The following PELI2 variants were observed in gnomAD, a reference collection of about 807,000 sequenced individuals.
PELI2 encodes the protein pellino E3 ubiquitin protein ligase family member 2.
Under a neutral mutation model 42.3 loss-of-function variants are expected in PELI2, and 23 were observed. The observed-to-expected ratio is 0.54, with a 90% CI of 0.39 to 0.77. The LOEUF (loss-of-function observed/expected upper bound fraction) is 0.77. Ranked by LOEUF, PELI2 falls within the 30% of genes least tolerant of loss-of-function variation. The probability of loss-of-function intolerance (pLI) is 0.00; values close to 1 mark genes in which losing one functional copy is unlikely to be tolerated. For missense variants in PELI2, 463 were observed against 553.2 expected (o/e 0.84, Z 1.64); for synonymous variants, 245 against 212.2 (o/e 1.15, Z -1.34).
chr14:56,253,530 A>G (rs1388763911), intron 2 of PELI2, among the ~76,000 whole-genome samples: 1 of 152,234 alleles, frequency 6.6e-6, no homozygotes, highest in Non-Finnish European at 1.5e-5. Flanking sequence ...ATGTGCAAAA[A>G]TCAGAAGCAT....
At chr14:56,155,145 A>G (rs1884504486) in intron 1 of PELI2, among the ~76,000 whole-genome samples, 1 of 152,050 alleles carries the variant, frequency 6.6e-6, no homozygotes, top group Non-Finnish European at 1.5e-5. Context: ...TGTTATTGCC[A>G]GTATTTTTTC....
chr14:56,184,594 T>C (rs1490692134), intron 2 of PELI2, among the ~76,000 whole-genome samples: 3 of 151,950 alleles, frequency 2.0e-5, no homozygotes, highest in African/African-American at 7.2e-5. Context: ...AACAGAACAA[T>C]CCAATAAATA....
At chr14:56,123,177 CTT>C (rs371420319) in intron 1 of PELI2, among the ~76,000 whole-genome samples, 9 of 142,074 alleles carry the variant, frequency 6.3e-5, no homozygotes, top group East Asian at 2.1e-4. Flanking sequence ...AGTTTATGGT[CTT>C]TTTTTTTTTT....
intron 2 of PELI2, among the ~76,000 whole-genome samples, chr14:56,258,361 G>C (rs1888594456): frequency 6.6e-6 from 1 of 151,778 alleles, no homozygotes; most frequent in South Asian, 2.1e-4. Context: ...CATGGAAGTA[G>C]TAAAATAAGA....
chr14:56,206,367 C>A (rs1488137052), intron 2 of PELI2, among the ~76,000 whole-genome samples: 1 of 152,212 alleles, frequency 6.6e-6, no homozygotes, highest in Non-Finnish European at 1.5e-5. Flanking sequence ...AAAAGTATCT[C>A]TTCTACCTGT....
chr14:56,147,007 A>G (rs1052886277), intron 1 of PELI2, among the ~76,000 whole-genome samples: 4 of 152,132 alleles, frequency 2.6e-5, no homozygotes, highest in African/African-American at 9.7e-5. Flanking sequence ...CTTTGTCTCT[A>G]TAATTTTGCC....
chr14:56,192,581 G>T (rs1885988076), intron 2 of PELI2, among the ~76,000 whole-genome samples: 1 of 152,162 alleles, frequency 6.6e-6, no homozygotes, highest in Admixed American at 6.5e-5. Flanking sequence ...TACTGATTTA[G>T]GCTATTAAGC....
chr14:56,254,291 C>T (rs1024058108), intron 2 of PELI2, among the ~76,000 whole-genome samples: 9 of 151,348 alleles, frequency 5.9e-5, no homozygotes, highest in African/African-American at 2.2e-4. Context: ...CCCAGCTATT[C>T]GGAAGGCTGG....
intron 1 of PELI2, among the ~76,000 whole-genome samples, chr14:56,122,845 G>A (rs547637410): frequency 2.0e-5 from 3 of 152,304 alleles, no homozygotes; most frequent in South Asian, 4.1e-4. Flanking sequence ...GTGCACATGT[G>A]TATAGCAATT....
chr14:56,207,297 T>C (rs1199088362), intron 2 of PELI2, among the ~76,000 whole-genome samples: 1 of 152,240 alleles, frequency 6.6e-6, no homozygotes, highest in African/African-American at 2.4e-5. Context: ...GCTTCTGCTA[T>C]TGACTGCTGT....
chr14:56,190,046 A>G (rs956391504), intron 2 of PELI2, among the ~76,000 whole-genome samples: 1 of 152,216 alleles, frequency 6.6e-6, no homozygotes, highest in Non-Finnish European at 1.5e-5. Context: ...TGCATTTTGA[A>G]CAAAGAGTTG....
intron 1 of PELI2, among the ~76,000 whole-genome samples, chr14:56,136,078 A>G (rs1883679858): frequency 6.6e-6 from 1 of 152,224 alleles, no homozygotes; most frequent in African/African-American, 2.4e-5. Context: ...AATTCTCTGA[A>G]AATCCCATTT....
intron 2 of PELI2, among the ~76,000 whole-genome samples, chr14:56,220,355 G>GA (rs1171283104): frequency 1.3e-5 from 2 of 151,962 alleles, no homozygotes; most frequent in Non-Finnish European, 2.9e-5. Flanking sequence ...AGTACTTGGG[G>GA]AAAAAAATAA....
At chr14:56,125,567 T>C (rs1883226428) in intron 1 of PELI2, among the ~76,000 whole-genome samples, 1 of 152,276 alleles carries the variant, frequency 6.6e-6, no homozygotes, top group Non-Finnish European at 1.5e-5. Flanking sequence ...CTTTTTTTTC[T>C]GTTTAAGCCA....
chr14:56,271,070 A>T lies in PELI2; in HGVS notation c.208-8606A>T, dbSNP rs533272515. Among the ~76,000 whole-genome samples, 150 of 152,300 alleles carry T rather than the reference A, an allele frequency of 9.8e-4. 1 individual carries two copies. Among genetic ancestry groups the T allele is most frequent in the Admixed American group, 6.1e-3 (93 of 15,300 alleles). ...CTGCAGTGAGGTGATGCAATTTTAG[A>T]TGCAGTTAGTATCATGCCTCACGGG... On this transcript the variant is annotated intron_variant, in intron 2 of 5. Coordinates refer to ENST00000267460, the MANE Select transcript of PELI2 (RefSeq NM_021255.3).
intron 1 of PELI2, among the ~76,000 whole-genome samples, chr14:56,173,046 T>A (rs1885237265): frequency 6.6e-6 from 1 of 152,190 alleles, no homozygotes; most frequent in African/African-American, 2.4e-5. Context: ...ATTATTCTCA[T>A]GACTTTAACT....
chr14:56,221,393 G>A lies in PELI2; in HGVS notation c.207+42929G>A, dbSNP rs117128487. ...AAGGATTTGCCTGCCAGCTGTTGAGGCTAAAAATCTAGGAATAGGCACATG... is the reference window on the plus strand; with the variant it reads ...AAGGATTTGCCTGCCAGCTGTTGAGACTAAAAATCTAGGAATAGGCACATG... On this transcript the variant is annotated intron_variant, in intron 2 of 5. Coordinates refer to ENST00000267460, the MANE Select transcript of PELI2 (RefSeq NM_021255.3). Among the ~76,000 whole-genome samples the A allele has an allele frequency of 3.7e-3, 563 of 152,282 alleles. 1 individual carries two copies. Among genetic ancestry groups the A allele is most frequent in the Middle Eastern group, 0.01 (3 of 294 alleles).
Position 56,180,952 on chromosome 14 carries a change from A to T in PELI2, c.207+2488A>T, listed in dbSNP as rs914839054. 6.6e-6 allele frequency among the ~76,000 whole-genome samples: 1 copy of T among 151,842 alleles called. No homozygotes were observed. The highest frequency in any genetic ancestry group is 2.4e-5 in the African/African-American group (1 of 41,308). On this transcript the variant is annotated intron_variant, in intron 2 of 5. Coordinates refer to ENST00000267460, the MANE Select transcript of PELI2 (RefSeq NM_021255.3). The surrounding 1 kb of genome is among the most constrained non-coding windows in gnomAD (Gnocchi z 4.4). ...TTTTCAATGAATGCACTCTTTTGTT[A>T]TTTTTTCCATCTTATGTTTGTGGAA... is the stretch of plus-strand genomic sequence containing the variant.
At chr14:56,143,010 A>G (rs1360712381) in intron 1 of PELI2, among the ~76,000 whole-genome samples, 1 of 152,204 alleles carries the variant, frequency 6.6e-6, no homozygotes, top group Non-Finnish European at 1.5e-5. Flanking sequence ...TGCTGAAACT[A>G]CGGATCTTCT....
Sources: gnomAD v4.1 joint callset for allele counts (sites outside exome capture counted in the v4.1 genomes callset) on GRCh38, gnomAD v4.1.1 for gene constraint, Gnocchi (gnomAD v3.1) non-coding constraint, MANE v1.5 for transcripts, NCBI Gene and HGNC (gene_info 2026-07-23, HGNC 2026-07-21) for gene names.